The following COL16A1 variants were observed in gnomAD, a reference collection of about 807,000 sequenced individuals.
COL16A1 encodes the protein collagen type XVI alpha 1 chain.
In COL16A1, 189 loss-of-function variants were observed where a neutral mutation model predicts 266.3. That is an observed-to-expected ratio of 0.71 (90% confidence interval 0.63 to 0.80). The LOEUF (loss-of-function observed/expected upper bound fraction) is 0.80. Among genes scored for constraint, COL16A1 ranks in the 30% least tolerant of loss-of-function variants. The pLI, the probability that COL16A1 is intolerant of heterozygous loss-of-function variation, is 0.00. For missense variants in COL16A1, 1,928 were observed against 2,122.4 expected (o/e 0.91, Z 1.80); for synonymous variants, 740 against 782.3 (o/e 0.95, Z 0.90).
chr1:31,696,067 T>A, intron 9 of COL16A1, 21 bp downstream of exon 9: 4 of 1,543,070 alleles, frequency 2.6e-6, no homozygotes, highest in Non-Finnish European at 3.6e-6. Flanking sequence ...GGTAGGCTCC[T>A]CCCCCCACCC....
chr1:31,684,098 A>C lies in COL16A1; in HGVS notation c.2283+11T>G. 6.2e-7 allele frequency: 1 copy of C among 1,601,806 alleles called. No individual in the cohort carries two copies. The highest frequency in any genetic ancestry group is 8.5e-7 in the Non-Finnish European group (1 of 1,173,474). On this transcript the variant is annotated intron_variant, in intron 32 of 70. Transcript: ENST00000373672. The stretch of plus-strand genomic sequence containing the variant: ...CCCAGGCAGGGAAGGGCCGGAGGGC[A>C]GGCAACTCACGGGTTTACCAGGTCG...
chr1:31,662,302 G>A lies in COL16A1; in HGVS notation c.3681+32C>T, dbSNP rs148307503. On this transcript the variant is annotated intron_variant, in intron 58 of 70. Transcript: ENST00000373672. ...GCTCCTCTGGCAAAAAGGAGAGGAAGGGGTGCCCGCCCTCCCAGCCCATCA... is the reference window on the plus strand; with the variant it reads ...GCTCCTCTGGCAAAAAGGAGAGGAAAGGGTGCCCGCCCTCCCAGCCCATCA... 3.1e-4 allele frequency: 504 copies of A among 1,602,106 alleles called. 1 individual carries two copies. The Middle Eastern group carries it at 5.6e-3, about 18-fold the overall frequency.
intron 61 of COL16A1, 96 bp downstream of exon 61, chr1:31,660,970 C>G: frequency 7.4e-7 from 1 of 1,359,690 alleles, no homozygotes; most frequent in Non-Finnish European, 1.0e-6. Flanking sequence ...CAGAAAGCAG[C>G]CACTTTGCCA....
In COL16A1 at chr1:31,695,803, G is replaced by A. The variant is rs1644471205; in HGVS notation, c.919-16C>T. The A allele has an allele frequency of 6.2e-7, 1 of 1,612,400 alleles. No homozygotes were observed. The highest frequency in any genetic ancestry group is 1.7e-5 in the Admixed American group (1 of 59,960). ...CCTGATGGACCTGAGGAAAGGGTGG[G>A]GGGTGTGGGAATGGGCAGGGAGCTC... On this transcript the variant is annotated splice_polypyrimidine_tract_variant and intron_variant, in intron 9 of 70. Coordinates refer to ENST00000373672, the MANE Select transcript of COL16A1 (RefSeq NM_001856.4).
chr1:31,696,941 T>A, intron 8 of COL16A1, 22 bp downstream of exon 8: 1 of 1,613,066 alleles, frequency 6.2e-7, no homozygotes, highest in Non-Finnish European at 8.5e-7. Context: ...TGTGCTGGCA[T>A]CCACCTGTCC....
intron 58 of COL16A1, 150 bp from the exon 59 acceptor site, chr1:31,661,854 G>T: frequency 1.2e-6 from 1 of 808,396 alleles, no homozygotes; most frequent in Non-Finnish European, 1.9e-6. Flanking sequence ...ACTGGCTGTG[G>T]ATCCTCAGTG....
chr1:31,655,531 A>G, intron 66 of COL16A1, 29 bp from the exon 67 acceptor site: 2 of 1,610,072 alleles, frequency 1.2e-6, no homozygotes, highest in Non-Finnish European at 8.5e-7. Flanking sequence ...AGTGCTGTCA[A>G]ATTTACATCA....
intron 23 of COL16A1, chr1:31,689,346 G>A: frequency 1.7e-6 from 1 of 602,312 alleles, no homozygotes; most frequent in South Asian, 2.1e-5. Flanking sequence ...TTGTCTGACA[G>A]CTCCCAGGTG....
At chr1:31,675,225 G>A (rs955183043) in intron 43 of COL16A1, 33 bp downstream of exon 43, 53 of 1,613,982 alleles carry the variant, frequency 3.3e-5, no homozygotes, top group Non-Finnish European at 4.5e-5. Flanking sequence ...GGCAGGGAAG[G>A]GGCATGCACA....
chr1:31,689,483 G>C (rs1016165771), intron 23 of COL16A1: 23 of 569,258 alleles, frequency 4.0e-5, no homozygotes, highest in South Asian at 2.0e-4. Flanking sequence ...CTCCAGCCCA[G>C]CTTGCCCAAA....
chr1:31,683,064 G>A, intron 36 of COL16A1, 62 bp from the exon 37 acceptor site: 3 of 1,611,832 alleles, frequency 1.9e-6, no homozygotes, highest in Admixed American at 1.7e-5. Context: ...CAACCCAGCA[G>A]GTAAGACACA....
At chr1:31,684,307 G>T in intron 31 of COL16A1, 76 bp from the exon 32 acceptor site, 1 of 1,449,570 alleles carries the variant, frequency 6.9e-7, no homozygotes, top group South Asian at 1.5e-5. Flanking sequence ...GCACCCCTCT[G>T]AACACTCTGC....
Position 31,698,608 on chromosome 1 carries a change from T to C in COL16A1, c.267-2A>G. 1.9e-6 allele frequency: 3 copies of C among 1,613,642 alleles called. No homozygotes were observed. The highest frequency in any genetic ancestry group is 4.5e-5 in the East Asian group (2 of 44,864). ...GGGAGACCCCGAGGGAATACTCTTC[T>C]GGAGATGGAGCAGGGAGGGTGCCCT... is the stretch of plus-strand genomic sequence containing the variant. On this transcript the variant is annotated splice_acceptor_variant, in intron 4 of 70. Coordinates refer to ENST00000373672, the MANE Select transcript of COL16A1 (RefSeq NM_001856.4). LOFTEE classifies it high-confidence loss of function. This position sits in a 1 kb window ranked among gnomAD's most constrained non-coding sequence, Gnocchi z 4.1.
chr1:31,695,991 A>G, intron 9 of COL16A1, 97 bp downstream of exon 9: 2 of 1,164,396 alleles, frequency 1.7e-6, no homozygotes, highest in South Asian at 1.3e-5. Context: ...GAAAGGCGGG[A>G]GGAGAGTGGG....
Position 31,668,104 on chromosome 1 carries a change from A to T in COL16A1, c.3303+61T>A. 2 of 1,475,160 alleles carry T rather than the reference A, an allele frequency of 1.4e-6. No homozygotes were observed. Among genetic ancestry groups the T allele is most frequent in the Non-Finnish European group, 1.9e-6 (2 of 1,071,006 alleles). The allele number at this position is 1,475,160 out of a possible 1,614,324, so 91.4% of individuals were successfully genotyped here. ...GGTTGCCCAGCCTGGCTGTGTCCTG[A>T]CCACCAGCCCAAACCTCTGGTACCT... On this transcript the variant is annotated intron_variant, in intron 51 of 70. Coordinates refer to ENST00000373672, the MANE Select transcript of COL16A1 (RefSeq NM_001856.4). The surrounding 1 kb of genome is among the most constrained non-coding windows in gnomAD (Gnocchi z 5.8).
chr1:31,683,207 T>C lies in COL16A1; in HGVS notation c.2456A>G (p.Glu819Gly). ...GCAGAGGCTCACCTGGGCACCCTTCTCTCCAGTGGGGCCAGGTGGTCCCCG... is the reference window on the plus strand; with the variant it reads ...GCAGAGGCTCACCTGGGCACCCTTCCCTCCAGTGGGGCCAGGTGGTCCCCG... ...GPRGPPGPTG[E>G]KGAQGSPGVK... Residue 819 changes from glutamate (E) to glycine (G), a missense_variant, in exon 36 of 71, where the codon GAG becomes GGG. Coordinates refer to ENST00000373672, the MANE Select transcript of COL16A1 (RefSeq NM_001856.4). 6.2e-7 allele frequency: 1 copy of C among 1,614,020 alleles called. No individual in the cohort carries two copies. The highest frequency in any genetic ancestry group is 8.5e-7 in the Non-Finnish European group (1 of 1,179,964).
chr1:31,697,354 C>T lies in COL16A1; in HGVS notation c.658-54G>A, dbSNP rs1474171447. 18 of 1,519,920 alleles carry T rather than the reference C, an allele frequency of 1.2e-5. No homozygotes were observed. The highest frequency in any genetic ancestry group is 1.4e-5 in the Non-Finnish European group (16 of 1,121,218). The allele number at this position is 1,519,920 out of a possible 1,614,324, so 94.2% of individuals were successfully genotyped here. A position where few individuals can be genotyped will look rare whatever the true frequency, so the allele number is the denominator to read the frequency against. ...TTCATTTTATCAAATAGCTCTGTGT[C>T]CTGGCCCCCCAGGAGGCACAGAGAT... On this transcript the variant is annotated intron_variant, in intron 6 of 70. Coordinates refer to ENST00000373672, the MANE Select transcript of COL16A1 (RefSeq NM_001856.4). This position sits in a 1 kb window ranked among gnomAD's most constrained non-coding sequence, Gnocchi z 4.2.
chr1:31,697,362 C>T lies in COL16A1; in HGVS notation c.658-62G>A. 1 of 1,467,882 alleles carries T rather than the reference C, an allele frequency of 6.8e-7. No individual in the cohort carries two copies. Among genetic ancestry groups the T allele is most frequent in the African/African-American group, 1.4e-5 (1 of 71,556 alleles). 90.9% of individuals were successfully genotyped at this position (1,467,882 alleles called of 1,614,324 possible). On this transcript the variant is annotated intron_variant, in intron 6 of 70. Coordinates refer to ENST00000373672, the MANE Select transcript of COL16A1 (RefSeq NM_001856.4). This position sits in a 1 kb window ranked among gnomAD's most constrained non-coding sequence, Gnocchi z 4.2. ...ATCAAATAGCTCTGTGTCCTGGCCCCCCAGGAGGCACAGAGATGTCTCTGC... is the reference window on the plus strand; with the variant it reads ...ATCAAATAGCTCTGTGTCCTGGCCCTCCAGGAGGCACAGAGATGTCTCTGC...
chr1:31,655,730 G>A, intron 66 of COL16A1: 4 of 697,262 alleles, frequency 5.7e-6, no homozygotes, highest in Non-Finnish European at 9.0e-6. Flanking sequence ...ATGTCCTCAG[G>A]ATAAAGCACT....
Sources: allele counts gnomAD v4.1 joint callset, GRCh38; gene constraint gnomAD v4.1.1; non-coding constraint Gnocchi (gnomAD v3.1); transcripts MANE v1.5; gene names NCBI Gene and HGNC (gene_info 2026-07-23, HGNC 2026-07-21).